The following SLC25A48 variants were observed in gnomAD, a reference collection of about 807,000 sequenced individuals.
SLC25A48 encodes solute carrier family 25 member 48, also known as CTC-321K16.1.
A neutral mutation model predicts 32.2 loss-of-function variants in SLC25A48; 29 were observed. That is an observed-to-expected ratio of 0.90 (90% CI 0.67 to 1.23). The LOEUF (loss-of-function observed/expected upper bound fraction) is 1.23, where lower values mean the gene tolerates loss of function less well. SLC25A48 is among the 50% of genes most tolerant of loss of function. The pLI is 0.00. For missense variants in SLC25A48, 399 were observed against 422.7 expected, an observed-to-expected ratio of 0.94 and a Z score of 0.49; for synonymous variants, 164 against 172.3, an observed-to-expected ratio of 0.95 and a Z score of 0.38.
At chr5:135,678,306 T>C (rs1342367884) in intron 3 of SLC25A48, among the ~76,000 whole-genome samples, 2 of 152,208 alleles carry the variant, frequency 1.3e-5, no homozygotes, top group Non-Finnish European at 2.9e-5. Context: ...TAATCTAGTC[T>C]ATTGTTGAAG....
chr5:135,775,653 G>C (rs964072192), intron 3 of SLC25A48, among the ~76,000 whole-genome samples: 45 of 151,542 alleles, frequency 3.0e-4, no homozygotes, highest in African/African-American at 1.1e-3. Flanking sequence ...ATATCCAGAA[G>C]GGGAGAGGAT....
At chr5:135,874,998 T>G in intron 6 of SLC25A48, 3 of 375,996 alleles carry the variant, frequency 8.0e-6, no homozygotes, top group Non-Finnish European at 1.4e-5. Flanking sequence ...AGAATGATCA[T>G]CCCTTCCATG....
intron 1 of SLC25A48, among the ~76,000 whole-genome samples, chr5:135,604,917 A>G (rs1751896654): frequency 6.6e-6 from 1 of 152,196 alleles, no homozygotes; most frequent in Non-Finnish European, 1.5e-5. Flanking sequence ...AGTGGGTAAT[A>G]ATAACACTCA....
chr5:135,710,439 T>C (rs1031674801), intron 3 of SLC25A48, among the ~76,000 whole-genome samples: 3 of 152,230 alleles, frequency 2.0e-5, no homozygotes, highest in African/African-American at 7.2e-5. Context: ...GTTCTGGTTT[T>C]GTTCCGTCTT....
At chr5:135,655,583 G>C (rs186663691) in intron 3 of SLC25A48, among the ~76,000 whole-genome samples, 1 of 152,154 alleles carries the variant, frequency 6.6e-6, no homozygotes, top group African/African-American at 2.4e-5. Context: ...CCCATAGTAC[G>C]CTCTACATCA....
intron 3 of SLC25A48, among the ~76,000 whole-genome samples, chr5:135,741,664 C>T (rs948525292): frequency 3.3e-5 from 5 of 152,034 alleles, no homozygotes; most frequent in Admixed American, 6.6e-5. Flanking sequence ...ATTGATGAGC[C>T]GGGGAGATAG....
rs905309557 is a variant in SLC25A48 at position 135,880,092 on chromosome 5, C to T, written c.*2C>T. 14 of 1,535,750 alleles carry T rather than the reference C, an allele frequency of 9.1e-6. No individual in the cohort carries two copies. The highest frequency in any genetic ancestry group is 1.1e-5 in the Non-Finnish European group (13 of 1,146,804). ...GACCACGCAGTGACGAGCCCATAAG[C>T]GCCAGGTCAGTGTGCTTCCATCCTG... On this transcript the variant is annotated 3_prime_UTR_variant, in exon 7 of 8. Coordinates refer to ENST00000681962, the MANE Select transcript of SLC25A48 (RefSeq NM_001349336.2).
chr5:135,679,846 G>T (rs1185031726), intron 3 of SLC25A48, among the ~76,000 whole-genome samples: 1 of 152,180 alleles, frequency 6.6e-6, no homozygotes, highest in East Asian at 1.9e-4. Context: ...TAGGTGTTGG[G>T]AGTGTGTTTG....
chr5:135,871,904 A>G (rs781250886), intron 5 of SLC25A48, 186 bp downstream of exon 5: 4 of 1,481,774 alleles, frequency 2.7e-6, no homozygotes, highest in East Asian at 4.6e-5. Context: ...TCCCTTCCCT[A>G]TGCAGCTATG....
At chr5:135,707,698 G>GC (rs144298301) in intron 3 of SLC25A48, among the ~76,000 whole-genome samples, 4,195 of 152,252 alleles carry the variant, frequency 0.028, 199 homozygotes, top group African/African-American at 0.095. Flanking sequence ...AGCAGAAGCA[G>GC]CCCCTCCTTT....
chr5:135,800,912 C>T (rs1580895024), intron 3 of SLC25A48, among the ~76,000 whole-genome samples: 1 of 150,916 alleles, frequency 6.6e-6, no homozygotes, highest in African/African-American at 2.4e-5. Context: ...GGCGTGTACA[C>T]CCCTCTGTGA....
At chr5:135,676,218 T>C (rs779962839) in intron 3 of SLC25A48, among the ~76,000 whole-genome samples, 37 of 151,904 alleles carry the variant, frequency 2.4e-4, no homozygotes, top group Non-Finnish European at 4.4e-4. Context: ...CTTAGTATGT[T>C]GTATGTGTCC....
At chr5:135,831,050 G>A (rs1222394272), upstream of SLC25A48, among the ~76,000 whole-genome samples, 1 of 152,222 alleles carries the variant, frequency 6.6e-6, no homozygotes, top group Non-Finnish European at 1.5e-5. Context: ...TCTGAAGGAG[G>A]TAGGAGTCGG....
At chr5:135,825,703 G>A (rs1758027134) in intron 4 of SLC25A48, 1 of 152,606 alleles carries the variant, frequency 6.6e-6, no homozygotes, top group South Asian at 2.1e-4. Context: ...CACACTCACT[G>A]GCCTGCTGCC....
chr5:135,765,901 A>G (rs1580854358), intron 3 of SLC25A48, among the ~76,000 whole-genome samples: 1 of 151,476 alleles, frequency 6.6e-6, no homozygotes, highest in Non-Finnish European at 1.5e-5. Flanking sequence ...CTCCTGTGTT[A>G]TGGTTCAAGA....
intron 3 of SLC25A48, among the ~76,000 whole-genome samples, chr5:135,635,303 T>G (rs1752672994): frequency 6.6e-6 from 1 of 152,242 alleles, no homozygotes; most frequent in Admixed American, 6.5e-5. Context: ...GCTTGCCAGA[T>G]GCTGAAACTG....
At chr5:135,697,148 T>C (rs1205613303) in intron 3 of SLC25A48, among the ~76,000 whole-genome samples, 1 of 152,142 alleles carries the variant, frequency 6.6e-6, no homozygotes, top group African/African-American at 2.4e-5. Flanking sequence ...ACATCCAAAA[T>C]TATTTGAGTT....
At chr5:135,611,174 G>C (rs777759449) in intron 1 of SLC25A48, among the ~76,000 whole-genome samples, 2 of 152,118 alleles carry the variant, frequency 1.3e-5, no homozygotes, top group African/African-American at 2.4e-5. Flanking sequence ...AATTAGAAAT[G>C]GTTAAAAATT....
intron 3 of SLC25A48, among the ~76,000 whole-genome samples, chr5:135,764,363 G>T (rs1305468122): frequency 1.3e-5 from 2 of 151,810 alleles, no homozygotes; most frequent in Non-Finnish European, 2.9e-5. Context: ...GGCAGGATAG[G>T]GTCATATTAC....
Sources: gnomAD v4.1 joint callset for allele counts (sites outside exome capture counted in the v4.1 genomes callset) on GRCh38, gnomAD v4.1.1 for gene constraint, MANE v1.5 for transcripts, NCBI Gene and HGNC (gene_info 2026-07-23, HGNC 2026-07-21) for gene names.